Variants in ASIC2 observed in about 807,000 individuals in gnomAD.
ASIC2 encodes acid-sensing ion channel 2.
A neutral mutation model predicts 57.3 loss-of-function variants in ASIC2; 25 were observed. That is an observed-to-expected ratio of 0.44 (90% CI 0.32 to 0.61). The LOEUF (loss-of-function observed/expected upper bound fraction) is 0.61. Ranked by LOEUF, ASIC2 falls within the 20% of genes least tolerant of loss-of-function variation. ASIC2 has a pLI of 0.06. For synonymous variants in ASIC2, 319 were observed against 307.5 expected (o/e 1.04, Z -0.39); for missense variants, 641 against 738.1 (o/e 0.87, Z 1.52).
intron 1 of ASIC2, among the ~76,000 whole-genome samples, chr17:33,651,408 T>C (rs1276936967): frequency 6.6e-6 from 1 of 152,174 alleles, no homozygotes; most frequent in Non-Finnish European, 1.5e-5. Flanking sequence ...AACCATTTAT[T>C]ATGGAGCCAA....
At chr17:33,037,623 T>C (rs1460364038) in intron 3 of ASIC2, among the ~76,000 whole-genome samples, 1 of 152,180 alleles carries the variant, frequency 6.6e-6, no homozygotes, top group Non-Finnish European at 1.5e-5. Flanking sequence ...TGAAGCACCA[T>C]CTTCAAATAT....
At chr17:33,516,393 T>TGA (rs1914569715) in intron 1 of ASIC2, among the ~76,000 whole-genome samples, 1 of 117,066 alleles carries the variant, frequency 8.5e-6, no homozygotes, top group South Asian at 2.6e-4. Flanking sequence ...TTTGTAAGTG[T>TGA]GTTTGTGAGT....
chr17:33,029,136 GAATA>G (rs1251516146), intron 3 of ASIC2, among the ~76,000 whole-genome samples: 2 of 152,140 alleles, frequency 1.3e-5, no homozygotes, highest in Non-Finnish European at 2.9e-5. Flanking sequence ...CAAGATTAAA[GAATA>G]AAAACACAAT....
chr17:33,378,407 C>T (rs1296873167), intron 1 of ASIC2, among the ~76,000 whole-genome samples: 2 of 152,272 alleles, frequency 1.3e-5, no homozygotes, highest in East Asian at 3.9e-4. Context: ...GTTCAGAGGG[C>T]TAGCAGCTGC....
chr17:33,850,764 T>A (rs1461913444), intron 1 of ASIC2, among the ~76,000 whole-genome samples: 2 of 152,134 alleles, frequency 1.3e-5, no homozygotes, highest in African/African-American at 4.8e-5. Flanking sequence ...GGCATCCAGA[T>A]CTGCCCTGGC....
At chr17:33,745,153 C>G (rs892229937) in intron 1 of ASIC2, among the ~76,000 whole-genome samples, 2 of 152,190 alleles carry the variant, frequency 1.3e-5, no homozygotes, top group Non-Finnish European at 2.9e-5. Context: ...ACAACTTGCT[C>G]CCTATCTTTC....
chr17:33,193,209 G>A (rs1199971479), intron 1 of ASIC2, among the ~76,000 whole-genome samples: 1 of 152,228 alleles, frequency 6.6e-6, no homozygotes, highest in African/African-American at 2.4e-5. Flanking sequence ...CATGATAAGT[G>A]TCAGGAAGTG....
At chr17:33,163,877 G>A (rs1443916081) in intron 1 of ASIC2, among the ~76,000 whole-genome samples, 3 of 152,180 alleles carry the variant, frequency 2.0e-5, no homozygotes, top group African/African-American at 7.2e-5. Flanking sequence ...CGGCATTTGA[G>A]TAAAGATCTA....
chr17:33,282,057 T>C (rs1481152971), intron 1 of ASIC2, among the ~76,000 whole-genome samples: 1 of 152,262 alleles, frequency 6.6e-6, no homozygotes, highest in Non-Finnish European at 1.5e-5. Context: ...TTCATTTTTT[T>C]GAATTTTGGA....
At position 33,642,800 on chromosome 17, in the gene ASIC2, C is replaced by G. The variant is rs565844670; in HGVS notation, c.555+513178G>C. On this transcript the variant is annotated intron_variant, in intron 1 of 9. Transcript: ENST00000359872. ...ATGTGAACCTGAGACAGGAGCACCT[C>G]CTAGTTGCATCTTTGAAATGCCAAG... Among the ~76,000 whole-genome samples the G allele has an allele frequency of 2.0e-5, 3 of 152,306 alleles. No homozygotes were observed. The East Asian group carries it at 5.8e-4, about 29-fold the overall frequency.
intron 1 of ASIC2, among the ~76,000 whole-genome samples, chr17:33,823,661 C>G (rs1046330343): frequency 6.6e-6 from 1 of 152,200 alleles, no homozygotes; most frequent in Non-Finnish European, 1.5e-5. Context: ...CCTTTGGTCT[C>G]TATGTTGCAG....
At chr17:34,091,319 T>C (rs1910322636) in intron 1 of ASIC2, among the ~76,000 whole-genome samples, 1 of 152,248 alleles carries the variant, frequency 6.6e-6, no homozygotes, top group African/African-American at 2.4e-5. Flanking sequence ...GAGCAGTTTA[T>C]GTAAAAACAA....
intron 1 of ASIC2, among the ~76,000 whole-genome samples, chr17:33,667,733 C>G (rs147647365): frequency 6.6e-6 from 1 of 152,186 alleles, no homozygotes; most frequent in African/African-American, 2.4e-5. Flanking sequence ...GAAGAACTAA[C>G]CTTCTTCTTA....
At chr17:33,882,019 G>C (rs552251532) in intron 1 of ASIC2, among the ~76,000 whole-genome samples, 26 of 152,156 alleles carry the variant, frequency 1.7e-4, no homozygotes, top group Middle Eastern at 6.8e-3. Context: ...AAAGGATTCC[G>C]TATTTAATAA....
At chr17:33,462,385 G>A (rs1426650602) in intron 1 of ASIC2, among the ~76,000 whole-genome samples, 1 of 152,192 alleles carries the variant, frequency 6.6e-6, no homozygotes, top group African/African-American at 2.4e-5. Flanking sequence ...TTTCACAAAG[G>A]TATTTTGTTC....
intron 1 of ASIC2, among the ~76,000 whole-genome samples, chr17:33,916,425 A>C (rs1011126673): frequency 6.6e-6 from 1 of 152,114 alleles, no homozygotes; most frequent in African/African-American, 2.4e-5. Flanking sequence ...GAGAGAACCA[A>C]AGTAGGATCC....
intron 1 of ASIC2, among the ~76,000 whole-genome samples, chr17:33,153,576 A>T (rs1403860314): frequency 6.6e-6 from 1 of 152,136 alleles, no homozygotes; most frequent in Non-Finnish European, 1.5e-5. Context: ...GCTTTCGTCT[A>T]CTATTTTGAC....
intron 1 of ASIC2, chr17:33,291,175 TG>T: frequency 1.2e-6 from 1 of 826,422 alleles, no homozygotes; most frequent in Non-Finnish European, 1.7e-6. Context: ...AAGGAGGGGC[TG>T]GGACAGGGGA....
intron 1 of ASIC2, chr17:34,036,542 A>C (rs1907886396): frequency 6.7e-6 from 1 of 148,662 alleles, no homozygotes; most frequent in Admixed American, 6.8e-5. Context: ...ATAAAATAAA[A>C]TAAAAAATAA....
Sources: allele counts gnomAD v4.1 joint callset (sites outside exome capture counted in the v4.1 genomes callset), GRCh38; gene constraint gnomAD v4.1.1; transcripts MANE v1.5; gene names NCBI Gene and HGNC (gene_info 2026-07-23, HGNC 2026-07-21).